Variants in SPAG16 observed in about 807,000 individuals in gnomAD.
SPAG16 encodes sperm-associated antigen 16 protein.
In SPAG16, 86 loss-of-function variants were observed where a neutral mutation model predicts 80.4. That is an observed-to-expected ratio of 1.07 (90% CI 0.90 to 1.28). The LOEUF is 1.28. Ranked by LOEUF, SPAG16 falls within the 50% of genes most tolerant of loss-of-function variation. SPAG16 has a pLI of 0.00. For synonymous variants in SPAG16, 294 were observed against 265.9 expected (o/e 1.11, Z -1.03); for missense variants, 870 against 765.3 (o/e 1.14, Z -1.61).
intron 10 of SPAG16, among the ~76,000 whole-genome samples, chr2:213,761,139 C>T (rs184050445): frequency 2.3e-4 from 35 of 152,126 alleles, no homozygotes; most frequent in Middle Eastern, 3.4e-3. Flanking sequence ...GAAAAAGTTA[C>T]AAAACTTTGG....
intron 4 of SPAG16, 120 bp downstream of exon 4, chr2:213,310,297 C>G: frequency 4.1e-6 from 2 of 491,430 alleles, no homozygotes; most frequent in Admixed American, 7.4e-5. Flanking sequence ...GAAACTTTTC[C>G]CATCTCCAGC....
At chr2:213,536,532 C>G (rs1050048981) in intron 10 of SPAG16, among the ~76,000 whole-genome samples, 11 of 152,028 alleles carry the variant, frequency 7.2e-5, no homozygotes, top group African/African-American at 1.9e-4. Context: ...TAACTGGTGT[C>G]AGATGGTATC....
intron 9 of SPAG16, among the ~76,000 whole-genome samples, chr2:213,467,970 C>T (rs1053523115): frequency 3.9e-5 from 6 of 152,188 alleles, no homozygotes; most frequent in Non-Finnish European, 7.4e-5. Context: ...TGTCTCCTCT[C>T]TCTCTCTTCA....
intron 10 of SPAG16, among the ~76,000 whole-genome samples, chr2:213,499,686 A>C (rs1269195574): frequency 6.6e-6 from 1 of 152,172 alleles, no homozygotes; most frequent in Non-Finnish European, 1.5e-5. Context: ...TTCTCTGTGC[A>C]TATAGGGTAG....
chr2:213,602,589 G>A (rs1208284609), intron 10 of SPAG16, among the ~76,000 whole-genome samples: 2 of 152,188 alleles, frequency 1.3e-5, no homozygotes, highest in African/African-American at 4.8e-5. Flanking sequence ...AGCCAAGATC[G>A]TGCCACTGTG....
At chr2:213,297,539 G>C (rs2062557038) in intron 3 of SPAG16, among the ~76,000 whole-genome samples, 182 bp downstream of exon 3, 1 of 151,956 alleles carries the variant, frequency 6.6e-6, no homozygotes, top group Non-Finnish European at 1.5e-5. Flanking sequence ...CTCTTTTTTG[G>C]ATTGCCATTC....
At chr2:213,782,300 G>A (rs891357726) in intron 10 of SPAG16, among the ~76,000 whole-genome samples, 1 of 151,752 alleles carries the variant, frequency 6.6e-6, no homozygotes, top group Non-Finnish European at 1.5e-5. Context: ...TAAAAACATT[G>A]ATACTAAACA....
intron 11 of SPAG16, among the ~76,000 whole-genome samples, chr2:213,909,285 GA>G (rs1395640215): frequency 6.6e-6 from 1 of 152,014 alleles, no homozygotes; most frequent in Non-Finnish European, 1.5e-5. Flanking sequence ...TCAATATCGT[GA>G]AAATGGCCAT....
At chr2:213,376,567 T>A (rs2066892345) in intron 9 of SPAG16, among the ~76,000 whole-genome samples, 1 of 152,060 alleles carries the variant, frequency 6.6e-6, no homozygotes, top group Non-Finnish European at 1.5e-5. Context: ...TTCTTGTTGT[T>A]ATTATTATAA....
intron 10 of SPAG16, among the ~76,000 whole-genome samples, chr2:213,763,296 T>C (rs1240821713): frequency 6.6e-6 from 1 of 152,144 alleles, no homozygotes; most frequent in Non-Finnish European, 1.5e-5. Flanking sequence ...GCACTAAGAA[T>C]TGAAATTAGG....
At chr2:213,587,437 G>T (rs942060097) in intron 10 of SPAG16, among the ~76,000 whole-genome samples, 2 of 152,182 alleles carry the variant, frequency 1.3e-5, no homozygotes, top group Non-Finnish European at 2.9e-5. Context: ...CTGAGGTGGT[G>T]CTGGGCAGCC....
intron 11 of SPAG16, among the ~76,000 whole-genome samples, chr2:213,927,919 G>A (rs1484255699): frequency 6.6e-6 from 1 of 152,106 alleles, no homozygotes; most frequent in African/African-American, 2.4e-5. Flanking sequence ...GCATGTTTTT[G>A]GATAAGTGTA....
intron 10 of SPAG16, among the ~76,000 whole-genome samples, chr2:213,746,725 T>G (rs2067841435): frequency 1.3e-5 from 2 of 152,100 alleles, no homozygotes; most frequent in Admixed American, 1.3e-4. Context: ...GAGAATCACT[T>G]GAACCCAGGA....
chr2:213,488,952 G>A (rs919462763), intron 9 of SPAG16, among the ~76,000 whole-genome samples: 2 of 151,564 alleles, frequency 1.3e-5, no homozygotes, highest in African/African-American at 2.4e-5. Flanking sequence ...GCACGCGCCT[G>A]TAGTCCCAGC....
chr2:214,345,839 T>C (rs1039998680), intron 15 of SPAG16, among the ~76,000 whole-genome samples: 4 of 152,218 alleles, frequency 2.6e-5, no homozygotes, highest in African/African-American at 7.2e-5. Flanking sequence ...CCCTGGCTCT[T>C]ATGTTCAACA....
intron 15 of SPAG16, among the ~76,000 whole-genome samples, chr2:214,356,863 G>GT (rs1419183489): frequency 6.6e-6 from 1 of 151,908 alleles, no homozygotes; most frequent in Admixed American, 6.6e-5. Flanking sequence ...GTTGTCTCAA[G>GT]TTTTCTTCTT....
At chr2:213,636,008 C>T (rs894806785) in intron 10 of SPAG16, among the ~76,000 whole-genome samples, 4 of 152,174 alleles carry the variant, frequency 2.6e-5, no homozygotes, top group African/African-American at 9.6e-5. Context: ...GGTACTTGGT[C>T]ATGAACTCTT....
rs529216893 is a variant in SPAG16, at chr2:213,737,197, T to A, written c.1071-125288T>A. Among the ~76,000 whole-genome samples, 247 of 152,250 alleles carry A rather than the reference T, an allele frequency of 1.6e-3. 1 individual carries two copies. Among genetic ancestry groups the A allele is most frequent in the Non-Finnish European group, 2.8e-3 (191 of 68,000 alleles). On this transcript the variant is annotated intron_variant, in intron 10 of 15. Transcript: ENST00000331683. ...ATGGCTGATAACTTTCTAGAAAAAA[T>A]TATGATATACAACAAAACTTAACGA...
chr2:213,312,266 C>T (rs1446721021), intron 4 of SPAG16, among the ~76,000 whole-genome samples: 2 of 151,612 alleles, frequency 1.3e-5, no homozygotes, highest in Non-Finnish European at 3.0e-5. Flanking sequence ...GAAAAGTTTC[C>T]ATTGCAGGTT....
Sources: gnomAD v4.1 joint callset for allele counts (sites outside exome capture counted in the v4.1 genomes callset) on GRCh38, gnomAD v4.1.1 for gene constraint, MANE v1.5 for transcripts, NCBI Gene and HGNC (gene_info 2026-07-23, HGNC 2026-07-21) for gene names.